Variants in GPATCH2L observed in about 807,000 individuals in gnomAD.
GPATCH2L encodes G-patch domain containing 2 like.
In GPATCH2L, 31 loss-of-function variants were observed where a neutral mutation model predicts 57.4. The ratio of observed to expected loss-of-function variants is 0.54; its 90% CI spans 0.41 to 0.73. The LOEUF (loss-of-function observed/expected upper bound fraction) is 0.73, where lower values mean the gene tolerates loss of function less well. Ranked by LOEUF, GPATCH2L falls within the 30% of genes least tolerant of loss-of-function variation. The pLI is 0.00. For synonymous variants in GPATCH2L, 199 were observed against 210.7 expected (o/e 0.94, Z 0.48); for missense variants, 481 against 599.9 (o/e 0.80, Z 2.07).
intron 5 of GPATCH2L, 102 bp downstream of exon 5, chr14:76,173,727 G>T: frequency 2.6e-6 from 2 of 773,400 alleles, no homozygotes; most frequent in Non-Finnish European, 2.3e-6. Flanking sequence ...ACTCCCTGAA[G>T]TTAATGGAGC....
At chr14:76,192,108 C>T (rs544484636) in intron 8 of GPATCH2L, among the ~76,000 whole-genome samples, 26 of 149,430 alleles carry the variant, frequency 1.7e-4, no homozygotes, top group Non-Finnish European at 3.1e-4. Flanking sequence ...CTGTGAATGA[C>T]AGGACTTACT....
chr14:76,194,251 T>A (rs1594983236), intron 8 of GPATCH2L, among the ~76,000 whole-genome samples: 1 of 152,188 alleles, frequency 6.6e-6, no homozygotes, highest in Admixed American at 6.5e-5. Flanking sequence ...CTATTTGAGC[T>A]TTCAGAATTA....
intron 2 of GPATCH2L, among the ~76,000 whole-genome samples, chr14:76,163,840 T>C (rs1262881352): frequency 6.6e-6 from 1 of 152,248 alleles, no homozygotes; most frequent in African/African-American, 2.4e-5. Flanking sequence ...AAGTTCATTC[T>C]ATTTACGTAA....
chr14:76,232,069 G>A (rs550374866), intron 2 of GPATCH2L, among the ~76,000 whole-genome samples: 7 of 63,164 alleles, frequency 1.1e-4, no homozygotes, highest in Non-Finnish European at 2.0e-4. Context: ...GCGCCACCAC[G>A]CCCAGCTAAT....
chr14:76,155,656 C>A (rs1282944120), intron 2 of GPATCH2L, among the ~76,000 whole-genome samples: 1 of 152,154 alleles, frequency 6.6e-6, no homozygotes, highest in Non-Finnish European at 1.5e-5. Context: ...CTAATGGGTA[C>A]ATGTTTAAAA....
intron 2 of GPATCH2L, among the ~76,000 whole-genome samples, chr14:76,156,548 A>T (rs1366195785): frequency 6.6e-6 from 1 of 152,194 alleles, no homozygotes; most frequent in African/African-American, 2.4e-5. Context: ...TTTTTCCCTC[A>T]TCAGACTATT....
At position 76,202,526 on chromosome 14, in the gene GPATCH2L, G is replaced by T; in HGVS notation, c.*675G>T. ...CAGAGTTTATGTTCTACTGAAAGAGGACGTGTGTATACACACACACACACA... is the reference window on the plus strand; with the variant it reads ...CAGAGTTTATGTTCTACTGAAAGAGTACGTGTGTATACACACACACACACA... On this transcript the variant is annotated 3_prime_UTR_variant, in exon 10 of 10. Coordinates refer to ENST00000261530, the MANE Select transcript of GPATCH2L (RefSeq NM_017926.4). 1 of 98,802 alleles carries T rather than the reference G, an allele frequency of 1.0e-5. No homozygotes were observed. Among genetic ancestry groups the T allele is most frequent in the East Asian group, 3.0e-4 (1 of 3,304 alleles). The allele number at this position is 98,802 out of a possible 1,614,324, so 6.1% of individuals were successfully genotyped here. A position where few individuals can be genotyped will look rare whatever the true frequency, so the allele number is the denominator to read the frequency against.
chr14:76,203,887 T>C lies in GPATCH2L; in HGVS notation c.*2036T>C, dbSNP rs1354830495. On this transcript the variant is annotated 3_prime_UTR_variant, in exon 10 of 10. Coordinates refer to ENST00000261530, the MANE Select transcript of GPATCH2L (RefSeq NM_017926.4). The stretch of plus-strand genomic sequence containing the variant: ...TGTTTGTGTCAAGCTCTATGACTCA[T>C]GCAGTGATTGGTCCCATGATCATGG... The C allele has an allele frequency of 6.6e-6, 1 of 152,220 alleles. No homozygotes were observed. The highest frequency in any genetic ancestry group is 1.9e-4 in the East Asian group (1 of 5,200). The allele number at this position is 152,220 out of a possible 1,614,324, so 9.4% of individuals were successfully genotyped here. A position where few individuals can be genotyped will look rare whatever the true frequency, so the allele number is the denominator to read the frequency against.
At chr14:76,229,291 C>A (rs1468582130) in intron 1 of GPATCH2L, among the ~76,000 whole-genome samples, 1 of 152,212 alleles carries the variant, frequency 6.6e-6, no homozygotes, top group South Asian at 2.1e-4. Flanking sequence ...CCAGGCCATG[C>A]ATTCACTGTT....
intron 8 of GPATCH2L, among the ~76,000 whole-genome samples, chr14:76,186,057 A>G (rs2039755151): frequency 6.6e-6 from 1 of 152,204 alleles, no homozygotes; most frequent in Non-Finnish European, 1.5e-5. Context: ...ATATGTAAAT[A>G]TTGAGCATCC....
intron 2 of GPATCH2L, among the ~76,000 whole-genome samples, chr14:76,161,626 G>A (rs559574452): frequency 2.3e-4 from 35 of 152,300 alleles, no homozygotes; most frequent in African/African-American, 8.2e-4. Flanking sequence ...GGAATTCAGA[G>A]GGGTTTATTT....
At chr14:76,197,858 G>T (rs2139813494) in intron 9 of GPATCH2L, among the ~76,000 whole-genome samples, 1 of 152,222 alleles carries the variant, frequency 6.6e-6, no homozygotes, top group South Asian at 2.1e-4. Context: ...AGAATAAATA[G>T]CTCAGATCTC....
At chr14:76,185,291 G>T (rs2039723743) in intron 8 of GPATCH2L, among the ~76,000 whole-genome samples, 1 of 152,216 alleles carries the variant, frequency 6.6e-6, no homozygotes, top group East Asian at 1.9e-4. Flanking sequence ...AAGAATTGCT[G>T]CTGCCCAAAC....
At chr14:76,182,023 A>T (rs915737749) in intron 8 of GPATCH2L, among the ~76,000 whole-genome samples, 1 of 152,190 alleles carries the variant, frequency 6.6e-6, no homozygotes, top group African/African-American at 2.4e-5. Flanking sequence ...TCTGTATGGA[A>T]TGTCTTTTGA....
chr14:76,222,055 A>C (rs2040517241), intron 1 of GPATCH2L, among the ~76,000 whole-genome samples: 1 of 152,118 alleles, frequency 6.6e-6, no homozygotes, highest in South Asian at 2.1e-4. Context: ...AAGGCTGTGC[A>C]TGTGTGGGGG....
chr14:76,209,282 C>G lies in GPATCH2L; in HGVS notation c.*7431C>G, dbSNP rs1395018841. 1 of 152,274 alleles carries G rather than the reference C, an allele frequency of 6.6e-6. No homozygotes were observed. The highest frequency in any genetic ancestry group is 1.5e-5 in the Non-Finnish European group (1 of 68,098). The allele number at this position is 152,274 out of a possible 1,614,324, so 9.4% of individuals were successfully genotyped here. On this transcript the variant is annotated 3_prime_UTR_variant, in exon 10 of 10. Coordinates refer to ENST00000261530, the MANE Select transcript of GPATCH2L (RefSeq NM_017926.4). Reference sequence around the variant, plus strand: ...CGTTATTTCAGTGAACACCTGTATGCCAGTGAGTTCCTTTGCCATACCACC... The same window carrying G: ...CGTTATTTCAGTGAACACCTGTATGGCAGTGAGTTCCTTTGCCATACCACC...
At position 76,196,243 on chromosome 14, in the gene GPATCH2L, G is replaced by T. The variant is rs1470921352; in HGVS notation, c.1288+271G>T. Reference sequence around the variant, plus strand: ...AGTCATCTGAGCTTTTGTTTTAGCAGACAGGAAATTAGGTCCATGTTAATG... The same window carrying T: ...AGTCATCTGAGCTTTTGTTTTAGCATACAGGAAATTAGGTCCATGTTAATG... On this transcript the variant is annotated intron_variant, in intron 9 of 9. Transcript: ENST00000261530. 8.1e-6 allele frequency: 5 copies of T among 614,374 alleles called. No individual in the cohort carries two copies. In the East Asian group the frequency reaches 1.4e-4, roughly 17 times the overall value. The allele number at this position is 614,374 out of a possible 1,614,324, so 38.1% of individuals were successfully genotyped here.
chr14:76,194,788 A>G (rs2040096564), intron 8 of GPATCH2L, among the ~76,000 whole-genome samples: 1 of 152,190 alleles, frequency 6.6e-6, no homozygotes, highest in Admixed American at 6.5e-5. Flanking sequence ...AAAATTTACT[A>G]TTTTAATCAC....
Position 76,204,732 on chromosome 14 carries a change from T to G in GPATCH2L, c.*2881T>G, listed in dbSNP as rs2040356085. 6.6e-6 allele frequency: 1 copy of G among 152,192 alleles called. No homozygotes were observed. The highest frequency in any genetic ancestry group is 1.9e-4 in the East Asian group (1 of 5,192). 9.4% of individuals were successfully genotyped at this position (152,192 alleles called of 1,614,324 possible). ...TCAAAAGTAATAACTAAAGCTGAGT[T>G]AAACAGTTGTTATTTATTTCAGGGT... On this transcript the variant is annotated 3_prime_UTR_variant, in exon 10 of 10. Transcript: ENST00000261530.
Sources: gnomAD v4.1 joint callset for allele counts (sites outside exome capture counted in the v4.1 genomes callset) on GRCh38, gnomAD v4.1.1 for gene constraint, MANE v1.5 for transcripts, NCBI Gene and HGNC (gene_info 2026-07-23, HGNC 2026-07-21) for gene names.